The following ZNF670 variants were observed in gnomAD, a reference collection of about 807,000 sequenced individuals.
ZNF670 encodes zinc finger protein 670.
A neutral mutation model predicts 10.9 loss-of-function variants in ZNF670; 7 were observed. The observed-to-expected ratio is 0.64, with a 90% confidence interval of 0.36 to 1.20. The LOEUF (loss-of-function observed/expected upper bound fraction) is 1.20, where lower values mean the gene tolerates loss of function less well. Ranked by LOEUF, ZNF670 falls within the 50% of genes most tolerant of loss-of-function variation. The probability of loss-of-function intolerance (pLI) is 0.02; values close to 1 mark genes in which losing one functional copy is unlikely to be tolerated. For synonymous variants in ZNF670, 136 were observed against 152.7 expected (o/e 0.89, Z 0.81); for missense variants, 446 against 458.6 (o/e 0.97, Z 0.25).
intron 1 of ZNF670, among the ~76,000 whole-genome samples, chr1:247,046,054 G>T (rs1160805421): frequency 6.6e-6 from 1 of 152,146 alleles, no homozygotes; most frequent in Non-Finnish European, 1.5e-5. Flanking sequence ...AGCAGCAAAG[G>T]ATTCAAGAGG....
Position 247,038,032 on chromosome 1 carries a change from GTT to G in ZNF670, c.585_586del (p.Lys195AsnfsTer3). ...TTTATCACAATGTTTACATTTATAT[GTT>G]TTCTCTCCAGTGTAAGTGCTCTGAG... On this transcript the variant is annotated frameshift_variant, in exon 4 of 4. Coordinates refer to ENST00000366503, the MANE Select transcript of ZNF670 (RefSeq NM_033213.5). LOFTEE classifies it low-confidence loss of function (END_TRUNC). 6.2e-7 allele frequency: 1 copy of G among 1,613,946 alleles called. No individual in the cohort carries two copies. The highest frequency in any genetic ancestry group is 8.5e-7 in the Non-Finnish European group (1 of 1,179,942).
chr1:247,072,843 T>TACACACACAAACACACAC (rs1553323588), intron 1 of ZNF670, among the ~76,000 whole-genome samples: 1 of 85,814 alleles, frequency 1.2e-5, no homozygotes, highest in African/African-American at 4.9e-5. Context: ...TATATATGCA[T>TACACACACAAACACACAC]ACACACACAT....
chr1:247,050,260 T>C (rs1044549604), intron 1 of ZNF670, among the ~76,000 whole-genome samples: 11 of 152,218 alleles, frequency 7.2e-5, no homozygotes, highest in African/African-American at 2.4e-4. Flanking sequence ...CTAGTCTTTT[T>C]ATCATTACAT....
At position 247,035,224 on chromosome 1, in the gene ZNF670, A is replaced by G. The variant is rs1670120445; in HGVS notation, c.*2225T>C. Among the ~76,000 whole-genome samples, 2 of 152,222 alleles carry G rather than the reference A, an allele frequency of 1.3e-5. No individual in the cohort carries two copies. Among genetic ancestry groups the G allele is most frequent in the Admixed American group, 1.3e-4 (2 of 15,288 alleles). ...TCACAGTCTCATGGGTGACAGGAAAAATTAGGACCCTAAGACTACTGGGAA... is the reference window on the plus strand; with the variant it reads ...TCACAGTCTCATGGGTGACAGGAAAGATTAGGACCCTAAGACTACTGGGAA... On this transcript the variant is annotated 3_prime_UTR_variant, in exon 4 of 4. Coordinates refer to ENST00000366503, the MANE Select transcript of ZNF670 (RefSeq NM_033213.5).
chr1:247,036,701 A>C lies in ZNF670; in HGVS notation c.*748T>G, dbSNP rs1558333985. ...ATTTTTTAAAAAAGTGAACTATGCA[A>C]GTAACAGCCAAAACTCATGACAGAA... is the stretch of plus-strand genomic sequence containing the variant. On this transcript the variant is annotated 3_prime_UTR_variant, in exon 4 of 4. Transcript: ENST00000366503. 1 of 152,212 alleles carries C rather than the reference A, an allele frequency of 6.6e-6. No homozygotes were observed. Among genetic ancestry groups the C allele is most frequent in the Non-Finnish European group, 1.5e-5 (1 of 68,042 alleles). The allele number at this position is 152,212 out of a possible 1,614,324, so 9.4% of individuals were successfully genotyped here.
At chr1:247,052,033 T>G (rs552040607) in intron 1 of ZNF670, among the ~76,000 whole-genome samples, 4 of 152,092 alleles carry the variant, frequency 2.6e-5, no homozygotes, top group South Asian at 4.2e-4. Flanking sequence ...GGTTTCCACC[T>G]TTCTCTGGTG....
rs577648021 is a variant in ZNF670 at position 247,066,232 on chromosome 1, G to A, written c.3+12362C>T. Among the ~76,000 whole-genome samples the A allele has an allele frequency of 2.4e-3, 361 of 152,298 alleles. 2 individuals carry two copies. Among genetic ancestry groups the A allele is most frequent in the African/African-American group, 8.4e-3 (348 of 41,554 alleles). On this transcript the variant is annotated intron_variant, in intron 1 of 3. Coordinates refer to ENST00000366503, the MANE Select transcript of ZNF670 (RefSeq NM_033213.5). ...ACCGAGAAAGGATGCAGGCTGAAACGGGAGAAAGGTGGGAACCCCACCCAG... is the reference window on the plus strand; with the variant it reads ...ACCGAGAAAGGATGCAGGCTGAAACAGGAGAAAGGTGGGAACCCCACCCAG...
At chr1:247,063,245 A>C (rs1670898694) in intron 1 of ZNF670, among the ~76,000 whole-genome samples, 2 of 152,178 alleles carry the variant, frequency 1.3e-5, no homozygotes, top group Non-Finnish European at 2.9e-5. Flanking sequence ...TATTGTCGTG[A>C]ACTAGAGAGG....
intron 1 of ZNF670, among the ~76,000 whole-genome samples, chr1:247,069,835 G>C (rs1671074831): frequency 1.3e-5 from 2 of 152,214 alleles, no homozygotes; most frequent in African/African-American, 4.8e-5. Flanking sequence ...ATGGTTACCA[G>C]AGGTTGGGAA....
chr1:247,051,169 G>T (rs575163414), intron 1 of ZNF670, among the ~76,000 whole-genome samples: 1 of 151,638 alleles, frequency 6.6e-6, no homozygotes. Flanking sequence ...TTAGCCGGGC[G>T]TGGTGGCAAG....
chr1:247,067,435 C>CCAAAAA (rs1487488030), intron 1 of ZNF670, among the ~76,000 whole-genome samples: 1 of 77,252 alleles, frequency 1.3e-5, no homozygotes, highest in Non-Finnish European at 2.6e-5. Flanking sequence ...GATCCCGTCT[C>CCAAAAA]AAAAAAAAAA....
At position 247,036,159 on chromosome 1, in the gene ZNF670, T is replaced by A. The variant is rs116778658; in HGVS notation, c.*1290A>T. Among the ~76,000 whole-genome samples the A allele has an allele frequency of 3.4e-3, 512 of 152,236 alleles. 2 individuals carry two copies. Among genetic ancestry groups the A allele is most frequent in the African/African-American group, 0.011 (471 of 41,538 alleles). On this transcript the variant is annotated 3_prime_UTR_variant, in exon 4 of 4. Coordinates refer to ENST00000366503, the MANE Select transcript of ZNF670 (RefSeq NM_033213.5). The stretch of plus-strand genomic sequence containing the variant: ...TGCCAAAAACCACAAATCATCTCAA[T>A]AGATGCAGAAAAAAACATGTCATAA...
At chr1:247,042,399 G>A (rs918136400) in intron 1 of ZNF670, among the ~76,000 whole-genome samples, 4 of 152,176 alleles carry the variant, frequency 2.6e-5, no homozygotes, top group Admixed American at 2.6e-4. Context: ...AGATGTGTTT[G>A]GAAAGGGTAG....
intron 1 of ZNF670, among the ~76,000 whole-genome samples, chr1:247,076,381 T>C (rs1671253583): frequency 6.6e-6 from 1 of 151,792 alleles, no homozygotes; most frequent in Admixed American, 6.6e-5. Flanking sequence ...CTCAGCCTCC[T>C]GAGTAGCTGG....
In ZNF670 at chr1:247,035,152, TATC is replaced by T. The variant is rs1558333210; in HGVS notation, c.*2294_*2296del. ...AAGCAGGTAGTTAAAGCTGAAAAGA[TATC>T]ATCAGTCATGGTTGGTTCATTCTGT... On this transcript the variant is annotated 3_prime_UTR_variant, in exon 4 of 4. Transcript: ENST00000366503. 6.6e-6 allele frequency among the ~76,000 whole-genome samples: 1 copy of T among 152,238 alleles called. No homozygotes were observed. Among genetic ancestry groups the T allele is most frequent in the East Asian group, 1.9e-4 (1 of 5,208 alleles).
At chr1:247,074,175 C>T (rs530875252) in intron 1 of ZNF670, among the ~76,000 whole-genome samples, 2 of 151,268 alleles carry the variant, frequency 1.3e-5, no homozygotes, top group South Asian at 2.1e-4. Context: ...ATTTTTTTTT[C>T]GCCTCTTAAC....
chr1:247,043,794 G>A, intron 1 of ZNF670: 1 of 370,446 alleles, frequency 2.7e-6, no homozygotes, highest in Non-Finnish European at 5.3e-6. Flanking sequence ...AACTGGATCG[G>A]TTTGATCCAT....
rs755721820 is a variant in ZNF670, at chr1:247,037,418, A to G, written c.*31T>C. The stretch of plus-strand genomic sequence containing the variant: ...CTGAAAGCTTTAACACACTTCTTAC[A>G]TTGACAGAGGTGTTTTGTTGTTGTT... On this transcript the variant is annotated 3_prime_UTR_variant, in exon 4 of 4. Transcript: ENST00000366503. The G allele has an allele frequency of 6.4e-7, 1 of 1,552,072 alleles. No homozygotes were observed. The highest frequency in any genetic ancestry group is 1.3e-5 in the South Asian group (1 of 79,700).
Position 247,038,085 on chromosome 1 carries a change from A to C in ZNF670, c.534T>G (p.Phe178Leu), listed in dbSNP as rs777359421. The C allele has an allele frequency of 5.0e-6, 8 of 1,614,196 alleles. No homozygotes were observed. The highest frequency in any genetic ancestry group is 1.6e-4 in the Middle Eastern group (1 of 6,062). Residue 178 changes from phenylalanine (F) to leucine (L), a missense_variant, in exon 4 of 4, where the codon TTT becomes TTG. Phe to Leu is a conservative substitution (Grantham distance 22). Coordinates refer to ENST00000366503, the MANE Select transcript of ZNF670 (RefSeq NM_033213.5). ...PYKGPVYEKP[F>L]DFPSVFQMPQ... ...GCATTTGAAATACACTAGGAAAATC[A>C]AAAGGCTTCTCATACACTGGACCCT...
Sources: allele counts gnomAD v4.1 joint callset (sites outside exome capture counted in the v4.1 genomes callset), GRCh38; gene constraint gnomAD v4.1.1; transcripts MANE v1.5; gene names NCBI Gene and HGNC (gene_info 2026-07-23, HGNC 2026-07-21).